Variants in TLL2 observed in about 807,000 individuals in gnomAD.
The protein encoded by TLL2 is tolloid like 2, also known as tolloid-like protein 2.
TLL2 carries 106 observed loss-of-function variants against 123.0 expected under a neutral mutation model. The observed-to-expected ratio is 0.86, with a 90% confidence interval of 0.74 to 1.01. The LOEUF is 1.01. Among genes scored for constraint, TLL2 ranks in the 50% least tolerant of loss-of-function variants. The pLI is 0.00. For synonymous variants in TLL2, 494 were observed against 516.8 expected, an observed-to-expected ratio of 0.96 and a Z score of 0.60; for missense variants, 1,332 against 1,336.7, an observed-to-expected ratio of 1.00 and a Z score of 0.06.
intron 16 of TLL2, among the ~76,000 whole-genome samples, chr10:96,383,170 T>C (rs1458788105): frequency 1.3e-5 from 2 of 152,220 alleles, no homozygotes; most frequent in Admixed American, 6.5e-5. Context: ...CAGCACCACA[T>C]GCCACGCTAA....
chr10:96,368,323 C>A (rs1779542749), intron 20 of TLL2, 101 bp from the exon 21 acceptor site: 7 of 1,408,952 alleles, frequency 5.0e-6, no homozygotes, highest in Admixed American at 3.9e-5. Context: ...CAGGATGTGT[C>A]TCTGGTACCA....
At chr10:96,387,261 A>G (rs1846245188) in intron 13 of TLL2, among the ~76,000 whole-genome samples, 183 bp from the exon 14 acceptor site, 1 of 152,250 alleles carries the variant, frequency 6.6e-6, no homozygotes, top group South Asian at 2.1e-4. Flanking sequence ...CAGTGAAGGC[A>G]GGACACTGAC....
intron 1 of TLL2, among the ~76,000 whole-genome samples, chr10:96,493,749 C>T (rs888081796): frequency 2.0e-5 from 3 of 152,150 alleles, no homozygotes; most frequent in East Asian, 1.9e-4. Context: ...CAAACACCCC[C>T]CACACCCAAA....
rs7896583 is a variant in TLL2 at position 96,403,734 on chromosome 10, G to A, written c.1267+1498C>T. Among the ~76,000 whole-genome samples the A allele has an allele frequency of 2.7e-3, 417 of 151,956 alleles. 5 individuals are homozygous for A. Among genetic ancestry groups the A allele is most frequent in the African/African-American group, 9.5e-3 (395 of 41,472 alleles). ...GATTAGTAAAAGAGGAAAGCCTCTT[G>A]CAGTTGAGATAGAGGAAGACCACTG... On this transcript the variant is annotated intron_variant, in intron 10 of 20. Transcript: ENST00000357947.
At position 96,488,373 on chromosome 10, in the gene TLL2, C is replaced by A. The variant is rs74493552; in HGVS notation, c.176-7914G>T. ...TGGCCTGGCCCTTCCGCAGCACCTG[C>A]GGGAAGCCCCCATGGTGTGGGACTG... On this transcript the variant is annotated intron_variant, in intron 1 of 20. Transcript: ENST00000357947. Among the ~76,000 whole-genome samples the A allele has an allele frequency of 6.4e-4, 97 of 152,348 alleles. 2 individuals are homozygous for A. In the East Asian group the frequency reaches 0.018, roughly 29 times the overall value.
Position 96,379,207 on chromosome 10 carries a change from T to C in TLL2, c.2195-115A>G, listed in dbSNP as rs565634424. Reference sequence around the variant, plus strand: ...TGGGAAGCCTCTCTGATTGCTCCCCTTCCCCCTCTGATTGTTCCCTCACTG... The same window carrying C: ...TGGGAAGCCTCTCTGATTGCTCCCCCTCCCCCTCTGATTGTTCCCTCACTG... On this transcript the variant is annotated intron_variant, in intron 16 of 20. Transcript: ENST00000357947. The C allele has an allele frequency of 5.2e-5, 69 of 1,322,496 alleles. No individual in the cohort carries two copies. In the East Asian group the frequency reaches 1.4e-3, roughly 26 times the overall value. The allele number at this position is 1,322,496 out of a possible 1,614,324, so 81.9% of individuals were successfully genotyped here. A position where few individuals can be genotyped will look rare whatever the true frequency, so the allele number is the denominator to read the frequency against.
intron 1 of TLL2, among the ~76,000 whole-genome samples, chr10:96,495,670 G>A (rs1476452246): frequency 1.3e-5 from 2 of 152,088 alleles, no homozygotes; most frequent in East Asian, 1.9e-4. Flanking sequence ...ATTCAGGCGC[G>A]TTTGCAGAAC....
intron 1 of TLL2, among the ~76,000 whole-genome samples, chr10:96,483,071 ATGT>A (rs1479477287): frequency 6.6e-6 from 1 of 152,192 alleles, no homozygotes; most frequent in Non-Finnish European, 1.5e-5. Context: ...AAGATGATTA[ATGT>A]TGTAGAAAAG....
chr10:96,437,040 C>G (rs1846803632), intron 3 of TLL2, among the ~76,000 whole-genome samples: 1 of 152,018 alleles, frequency 6.6e-6, no homozygotes, highest in African/African-American at 2.4e-5. Flanking sequence ...TTTTTTCTAT[C>G]CATTTTCAAT....
At position 96,378,824 on chromosome 10, in the gene TLL2, C is replaced by G; in HGVS notation, c.2320+143G>C. On this transcript the variant is annotated intron_variant, in intron 17 of 20. Coordinates refer to ENST00000357947, the MANE Select transcript of TLL2 (RefSeq NM_012465.4). ...CGAGATGCCCTGGGGAAAACTCTCC[C>G]GCAAGGACAGCAGTTGCTGGGCCTC... The G allele has an allele frequency of 6.9e-6, 8 of 1,155,744 alleles. No homozygotes were observed. The South Asian group carries it at 1.2e-4, about 17-fold the overall frequency. 71.6% of individuals were successfully genotyped at this position (1,155,744 alleles called of 1,614,324 possible). A position where few individuals can be genotyped will look rare whatever the true frequency, so the allele number is the denominator to read the frequency against.
intron 13 of TLL2, among the ~76,000 whole-genome samples, chr10:96,389,522 G>A (rs1846265033): frequency 6.6e-6 from 1 of 152,210 alleles, no homozygotes. Flanking sequence ...GGCCAGTGGA[G>A]GAAGATGGAC....
chr10:96,421,819 A>C (rs1323114099), intron 6 of TLL2, among the ~76,000 whole-genome samples: 1 of 152,184 alleles, frequency 6.6e-6, no homozygotes, highest in Non-Finnish European at 1.5e-5. Flanking sequence ...CCTGGGCAGC[A>C]AGAGTGAGAC....
chr10:96,427,695 C>T (rs1460733834), intron 5 of TLL2, among the ~76,000 whole-genome samples: 1 of 152,162 alleles, frequency 6.6e-6, no homozygotes, highest in East Asian at 1.9e-4. Context: ...TGTATGGCTT[C>T]TTTCCTTTTA....
intron 1 of TLL2, among the ~76,000 whole-genome samples, chr10:96,498,794 G>A (rs1162061244): frequency 6.6e-6 from 1 of 152,134 alleles, no homozygotes; most frequent in Non-Finnish European, 1.5e-5. Flanking sequence ...ATACCGTCTT[G>A]ACCATGAGGA....
chr10:96,470,077 C>A (rs1196190482), intron 2 of TLL2, among the ~76,000 whole-genome samples: 2 of 152,168 alleles, frequency 1.3e-5, no homozygotes, highest in African/African-American at 4.8e-5. Context: ...CCCCGGCTTG[C>A]AGACCTAAGG....
At chr10:96,489,540 A>AAGAG (rs1014031383) in intron 1 of TLL2, among the ~76,000 whole-genome samples, 1 of 151,692 alleles carries the variant, frequency 6.6e-6, no homozygotes, top group Admixed American at 6.6e-5. Context: ...AGAAAGAAGA[A>AAGAG]AGAGAGAGAG....
chr10:96,484,234 C>T (rs973582744), intron 1 of TLL2, among the ~76,000 whole-genome samples: 1 of 152,108 alleles, frequency 6.6e-6, no homozygotes, highest in African/African-American at 2.4e-5. Context: ...CATGGTTTGC[C>T]ATGTTCTCTT....
At chr10:96,435,374 CAG>C (rs1846786914) in intron 3 of TLL2, among the ~76,000 whole-genome samples, 1 of 152,134 alleles carries the variant, frequency 6.6e-6, no homozygotes, top group East Asian at 1.9e-4. Flanking sequence ...AGGCTCTTGT[CAG>C]ATATATAATT....
At chr10:96,503,596 T>A (rs911611287) in intron 1 of TLL2, among the ~76,000 whole-genome samples, 24 of 152,142 alleles carry the variant, frequency 1.6e-4, no homozygotes, top group African/African-American at 5.8e-4. Flanking sequence ...CGAAGTCTTC[T>A]CCCTGTGGAG....
Sources: allele counts gnomAD v4.1 joint callset (sites outside exome capture counted in the v4.1 genomes callset), GRCh38; gene constraint gnomAD v4.1.1; transcripts MANE v1.5; gene names NCBI Gene and HGNC (gene_info 2026-07-23, HGNC 2026-07-21).